The following SPAG17 variants were observed in gnomAD, a reference collection of about 807,000 sequenced individuals.
The protein encoded by SPAG17 is sperm associated antigen 17.
SPAG17 carries 169 observed loss-of-function variants against 273.6 expected under a neutral mutation model. The observed-to-expected ratio is 0.62, with a 90% CI of 0.55 to 0.70. The LOEUF (loss-of-function observed/expected upper bound fraction) is 0.70, where lower values mean the gene tolerates loss of function less well. Ranked by LOEUF, SPAG17 falls within the 30% of genes least tolerant of loss-of-function variation. The pLI, the probability that SPAG17 is intolerant of heterozygous loss-of-function variation, is 0.00. For synonymous variants in SPAG17, 825 were observed against 873.2 expected, an observed-to-expected ratio of 0.94 and a Z score of 0.97; for missense variants, 2,557 against 2,627.8, an observed-to-expected ratio of 0.97 and a Z score of 0.59.
chr1:118,079,704 A>C (rs959053826), intron 15 of SPAG17, among the ~76,000 whole-genome samples: 5 of 152,002 alleles, frequency 3.3e-5, no homozygotes, highest in Admixed American at 1.3e-4. Context: ...TTAGTTAATT[A>C]ATCTTTAGCT....
intron 43 of SPAG17, among the ~76,000 whole-genome samples, chr1:117,979,447 C>T (rs530587049): frequency 6.6e-6 from 1 of 152,206 alleles, no homozygotes; most frequent in South Asian, 2.1e-4. Context: ...TCCTTCTCAC[C>T]ATTCCCTCTT....
intron 6 of SPAG17, among the ~76,000 whole-genome samples, chr1:118,099,055 T>A (rs982881765): frequency 3.3e-5 from 5 of 152,166 alleles, no homozygotes; most frequent in African/African-American, 1.2e-4. Context: ...ACAGAAGTCA[T>A]CTAGGATAAT....
At chr1:118,131,214 T>C (rs374952757) in intron 3 of SPAG17, among the ~76,000 whole-genome samples, 1 of 152,246 alleles carries the variant, frequency 6.6e-6, no homozygotes, top group East Asian at 1.9e-4. Flanking sequence ...TGGCCACATC[T>C]CTTGTTGCTT....
chr1:118,059,394 ATATT>A (rs1456123239), intron 18 of SPAG17, among the ~76,000 whole-genome samples: 2 of 152,124 alleles, frequency 1.3e-5, no homozygotes, highest in South Asian at 2.1e-4. Context: ...AAAATTGTAA[ATATT>A]TATCATGTAC....
chr1:118,054,066 A>G lies in SPAG17; in HGVS notation c.2750T>C (p.Ile917Thr). The G allele has an allele frequency of 1.2e-6, 2 of 1,606,592 alleles. No homozygotes were observed. Among genetic ancestry groups the G allele is most frequent in the Non-Finnish European group, 1.7e-6 (2 of 1,176,042 alleles). The change falls in exon 20 of 49, where the codon ATA becomes ACA. Residue 917 changes from isoleucine (I) to threonine (T), a missense_variant. Physicochemically the swap from Ile to Thr is moderately conservative, Grantham distance 89. Coordinates refer to ENST00000336338, the MANE Select transcript of SPAG17 (RefSeq NM_206996.4). ...CTCTTTTTCTTTTTCTTGATCTGAT[A>G]TCTCTGTTTTGCTGATTCCTTTGTT... is the stretch of plus-strand genomic sequence containing the variant. ...KSNKGISKTE[I>T]SDQEKEKEKE...
intron 29 of SPAG17, among the ~76,000 whole-genome samples, chr1:118,012,853 T>C (rs999801215): frequency 6.6e-6 from 1 of 152,166 alleles, no homozygotes; most frequent in Admixed American, 6.5e-5. Flanking sequence ...TACTTGAAGA[T>C]TGGTAGGGGA....
At position 118,097,741 on chromosome 1, in the gene SPAG17, C is replaced by T. The variant is rs1655807351; in HGVS notation, c.940G>A (p.Asp314Asn). ...NNEKPETNLF[D>N]VARLEYMVKA... is the part of the protein sequence containing the mutation. ...ACCATGTACTCAAGTCGAGCAACAT[C>T]AAAGAGATTTGTTTCAGGTTTCTCA... is the stretch of plus-strand genomic sequence containing the variant. The change falls in exon 7 of 49, where the codon GAT becomes AAT. Residue 314 changes from aspartate (D) to asparagine (N), a missense_variant. Asp to Asn is a conservative substitution (Grantham distance 23). Coordinates refer to ENST00000336338, the MANE Select transcript of SPAG17 (RefSeq NM_206996.4). 1 of 1,610,810 alleles carries T rather than the reference C, an allele frequency of 6.2e-7. No individual in the cohort carries two copies. The highest frequency in any genetic ancestry group is 8.5e-7 in the Non-Finnish European group (1 of 1,178,866).
At chr1:118,159,263 T>G (rs1659797895) in intron 1 of SPAG17, among the ~76,000 whole-genome samples, 1 of 152,226 alleles carries the variant, frequency 6.6e-6, no homozygotes, top group East Asian at 1.9e-4. Flanking sequence ...GTATACACTG[T>G]CTGGCTGGTT....
intron 28 of SPAG17, among the ~76,000 whole-genome samples, chr1:118,022,247 G>A (rs1173945967): frequency 1.3e-5 from 2 of 152,012 alleles, no homozygotes; most frequent in Non-Finnish European, 2.9e-5. Context: ...GTAAATTGGG[G>A]ATTATTAAAA....
At position 118,022,304 on chromosome 1, in the gene SPAG17, A is replaced by AT. The variant is rs1334860068; in HGVS notation, c.4069+999dup. On this transcript the variant is annotated intron_variant, in intron 28 of 48. Transcript: ENST00000336338. ...GCTGATTTAATATTTGAAATATCAG[A>AT]TTTTTTTCCTGTTACACAAATATAC... Among the ~76,000 whole-genome samples, 19 of 152,184 alleles carry AT rather than the reference A, an allele frequency of 1.2e-4. No individual in the cohort carries two copies. In the East Asian group the frequency reaches 3.5e-3, roughly 28 times the overall value.
Position 117,984,761 on chromosome 1 carries a change from C to A in SPAG17, c.5691G>T (p.Gln1897His). 6.2e-7 allele frequency: 1 copy of A among 1,608,200 alleles called. No homozygotes were observed. Among genetic ancestry groups the A allele is most frequent in the South Asian group, 1.1e-5 (1 of 90,342 alleles). ...DKTRKEIETT[Q>H]NYLMDIKNRI... is the part of the protein sequence containing the mutation. ...GGTTCTTAATATCCATTAGGTAATT[C>A]TGTGTTGTCTCAATTTCCTTCCTGG... is the stretch of plus-strand genomic sequence containing the variant. The change falls in exon 41 of 49, where the codon CAG becomes CAT. Residue 1897 changes from glutamine to histidine, a missense_variant. By Grantham distance (24) the Gln-to-His change is conservative. Transcript: ENST00000336338.
intron 32 of SPAG17, among the ~76,000 whole-genome samples, chr1:118,001,205 C>T (rs958147551): frequency 2.3e-4 from 35 of 152,092 alleles, no homozygotes; most frequent in African/African-American, 6.3e-4. Context: ...TTTTGATGTG[C>T]GGTTGGATTC....
intron 43 of SPAG17, among the ~76,000 whole-genome samples, chr1:117,975,964 A>C (rs1261077250): frequency 6.6e-6 from 1 of 152,204 alleles, no homozygotes; most frequent in Non-Finnish European, 1.5e-5. Flanking sequence ...CATTTTACAT[A>C]CATTAACTAA....
chr1:118,074,530 AT>A lies in SPAG17; in HGVS notation c.2271+8del, dbSNP rs751154051. 6 of 1,611,118 alleles carry A rather than the reference AT, an allele frequency of 3.7e-6. No individual in the cohort carries two copies. The East Asian group carries it at 1.1e-4, about 30-fold the overall frequency. ...TGTCATCTACATTTTCAGAAAAATA[AT>A]TCCTTACCTTTTCATGAGAATCAGC... On this transcript the variant is annotated splice_region_variant and intron_variant, in intron 16 of 48. Transcript: ENST00000336338.
intron 1 of SPAG17, among the ~76,000 whole-genome samples, chr1:118,176,626 G>A (rs565592925): frequency 7.2e-5 from 11 of 152,176 alleles, no homozygotes; most frequent in South Asian, 6.2e-4. Context: ...ACCTATTGTC[G>A]GTAATGGACA....
In SPAG17 at chr1:118,097,089, G is replaced by T. The variant is rs534306900; in HGVS notation, c.1011+581C>A. On this transcript the variant is annotated intron_variant, in intron 7 of 48. Transcript: ENST00000336338. Reference sequence around the variant, plus strand: ...ATCTCTACTAAAAATACAAAAATTAGCTGGGCATGGTGGCACGTGCCTGTA... The same window carrying T: ...ATCTCTACTAAAAATACAAAAATTATCTGGGCATGGTGGCACGTGCCTGTA... Among the ~76,000 whole-genome samples, 10 of 152,174 alleles carry T rather than the reference G, an allele frequency of 6.6e-5. No homozygotes were observed. The South Asian group carries it at 2.1e-3, about 32-fold the overall frequency.
intron 4 of SPAG17, among the ~76,000 whole-genome samples, chr1:118,104,705 C>T (rs1291358664): frequency 6.6e-6 from 1 of 152,046 alleles, no homozygotes; most frequent in Non-Finnish European, 1.5e-5. Flanking sequence ...AACTAAGAAA[C>T]CAAAAAGGTC....
At position 118,093,513 on chromosome 1, in the gene SPAG17, C is replaced by T. The variant is rs192933048; in HGVS notation, c.1012-196G>A. 5.3e-5 allele frequency among the ~76,000 whole-genome samples: 8 copies of T among 152,190 alleles called. No individual in the cohort carries two copies. The East Asian group carries it at 5.8e-4, about 11-fold the overall frequency. On this transcript the variant is annotated intron_variant, in intron 7 of 48. Transcript: ENST00000336338. ...ACCTTTCTTCTTCTTCTTTGTTTAC[C>T]GCAATATGGACTGTTTCCTTTGGAG...
At chr1:118,053,440 C>A (rs988204457) in intron 20 of SPAG17, among the ~76,000 whole-genome samples, 5 of 151,908 alleles carry the variant, frequency 3.3e-5, no homozygotes, top group Admixed American at 1.3e-4. Context: ...AAACAGAACA[C>A]AACATTCAAA....
Sources: gnomAD v4.1 joint callset for allele counts (sites outside exome capture counted in the v4.1 genomes callset) on GRCh38, gnomAD v4.1.1 for gene constraint, MANE v1.5 for transcripts, NCBI Gene and HGNC (gene_info 2026-07-23, HGNC 2026-07-21) for gene names.